Variants in COP1 observed in about 807,000 individuals in gnomAD.
COP1 encodes the protein E3 ubiquitin-protein ligase COP1.
COP1 carries 24 observed loss-of-function variants against 101.3 expected under a neutral mutation model. The observed-to-expected ratio is 0.24, with a 90% CI of 0.17 to 0.33. The LOEUF (loss-of-function observed/expected upper bound fraction) is 0.33, where lower values mean the gene tolerates loss of function less well. Ranked by LOEUF, COP1 falls within the 10% of genes least tolerant of loss-of-function variation. The pLI is 1.00. For synonymous variants in COP1, 347 were observed against 341.9 expected, an observed-to-expected ratio of 1.01 and a Z score of -0.17; for missense variants, 663 against 906.2, an observed-to-expected ratio of 0.73 and a Z score of 3.45.
intron 8 of COP1, among the ~76,000 whole-genome samples, chr1:176,128,440 T>A (rs1297707079): frequency 6.6e-6 from 1 of 152,006 alleles, no homozygotes; most frequent in Admixed American, 6.6e-5. Context: ...CTTCAATTAT[T>A]TTACTGACTT....
intron 3 of COP1, among the ~76,000 whole-genome samples, chr1:176,166,942 A>C (rs1296894344): frequency 1.3e-5 from 2 of 152,198 alleles, no homozygotes; most frequent in Admixed American, 1.3e-4. Flanking sequence ...GTCTCAAAAA[A>C]ATAAAAATTT....
rs900721199 is a variant in COP1, at chr1:176,009,584, T to A, written c.1729+17988A>T. 2.6e-5 allele frequency among the ~76,000 whole-genome samples: 4 copies of A among 152,152 alleles called. No individual in the cohort carries two copies. The East Asian group carries it at 7.7e-4, about 29-fold the overall frequency. On this transcript the variant is annotated intron_variant, in intron 15 of 19. Transcript: ENST00000367669. Reference sequence around the variant, plus strand: ...AGTTATCAAATGACAGATGTTTCTATAGATGTGACAACTTCAAAAGAAACT... The same window carrying A: ...AGTTATCAAATGACAGATGTTTCTAAAGATGTGACAACTTCAAAAGAAACT...
chr1:175,979,499 T>A (rs201428471), intron 18 of COP1, among the ~76,000 whole-genome samples: 2 of 146,356 alleles, frequency 1.4e-5, no homozygotes. Flanking sequence ...GATATGCCTT[T>A]AAAAAAAAAA....
At chr1:175,954,494 TA>T in intron 18 of COP1, among the ~76,000 whole-genome samples, 1 of 152,128 alleles carries the variant, frequency 6.6e-6, no homozygotes, top group South Asian at 2.1e-4. Context: ...AAAAAATCAA[TA>T]AAATTGATAC....
chr1:176,080,881 T>G (rs1388395354), intron 11 of COP1, among the ~76,000 whole-genome samples: 1 of 152,122 alleles, frequency 6.6e-6, no homozygotes, highest in Non-Finnish European at 1.5e-5. Flanking sequence ...GAAGCACTTA[T>G]GAGAAGAGCA....
rs964768927 is a variant in COP1, at chr1:176,206,806, G to A, written c.173C>T (p.Ser58Leu). ...VSGGVAQAAGSGGLGGPVRPV... is the reference protein window; with the variant it reads ...VSGGVAQAAGLGGLGGPVRPV... The stretch of plus-strand genomic sequence containing the variant: ...CCGCACCGGGCCCCCGAGGCCGCCC[G>A]AGCCGGCGGCCTGGGCCACCCCGCC... The change falls in exon 1 of 20, where the codon TCG (serine) becomes TTG (leucine). Residue 58 changes from serine (S) to leucine (L), a missense_variant. By Grantham distance (145) the Ser-to-Leu change is moderately radical. Around this residue, in one of 4 missense-constraint regions of COP1, gnomAD observed 204 missense variants for 203.6 expected, o/e 1.00. Coordinates refer to ENST00000367669, the MANE Select transcript of COP1 (RefSeq NM_022457.7). 57 of 1,382,280 alleles carry A rather than the reference G, an allele frequency of 4.1e-5. No individual in the cohort carries two copies. Among genetic ancestry groups the A allele is most frequent in the Non-Finnish European group, 4.8e-5 (52 of 1,079,072 alleles). The allele number at this position is 1,382,280 out of a possible 1,614,324, so 85.6% of individuals were successfully genotyped here.
chr1:176,178,708 C>G (rs1413255873), intron 2 of COP1, among the ~76,000 whole-genome samples: 1 of 151,892 alleles, frequency 6.6e-6, no homozygotes. Flanking sequence ...AAAAAATTAG[C>G]TGGGCATGGT....
At chr1:176,038,579 G>A (rs1198346965) in intron 14 of COP1, among the ~76,000 whole-genome samples, 1 of 152,154 alleles carries the variant, frequency 6.6e-6, no homozygotes, top group Non-Finnish European at 1.5e-5. Context: ...CAGCACTTTG[G>A]GAGGCCAAGG....
intron 2 of COP1, among the ~76,000 whole-genome samples, chr1:176,182,114 T>C (rs1697866220): frequency 6.6e-6 from 1 of 152,184 alleles, no homozygotes; most frequent in Non-Finnish European, 1.5e-5. Flanking sequence ...ACTGAACTGA[T>C]GCAGGGCCTT....
intron 11 of COP1, among the ~76,000 whole-genome samples, chr1:176,056,170 A>G (rs1301202643): frequency 6.6e-6 from 1 of 152,074 alleles, no homozygotes; most frequent in Non-Finnish European, 1.5e-5. Flanking sequence ...AGAAAATGTT[A>G]ATTTTTATTT....
intron 15 of COP1, among the ~76,000 whole-genome samples, chr1:175,994,471 C>T (rs994071674): frequency 1.3e-5 from 2 of 152,112 alleles, no homozygotes; most frequent in African/African-American, 4.8e-5. Context: ...AGAGTCAAGA[C>T]CCATCAGTGT....
At chr1:176,093,616 G>T (rs947432766) in intron 9 of COP1, among the ~76,000 whole-genome samples, 1 of 152,138 alleles carries the variant, frequency 6.6e-6, no homozygotes, top group East Asian at 1.9e-4. Context: ...GAGGTGGGCA[G>T]ATCACGAGGT....
At chr1:176,073,420 T>A (rs987959519) in intron 11 of COP1, among the ~76,000 whole-genome samples, 1 of 152,166 alleles carries the variant, frequency 6.6e-6, no homozygotes, top group African/African-American at 2.4e-5. Context: ...ACCATAACAA[T>A]CTAGTTGTAC....
At chr1:176,027,498 T>G (rs1667881497) in intron 15 of COP1, 74 bp downstream of exon 15, 1 of 886,874 alleles carries the variant, frequency 1.1e-6, no homozygotes, top group Non-Finnish European at 1.9e-6. Flanking sequence ...GTTATTTGTT[T>G]TAAAATGCTC....
At chr1:175,990,580 AT>A (rs1272091029) in intron 15 of COP1, among the ~76,000 whole-genome samples, 2 of 152,252 alleles carry the variant, frequency 1.3e-5, no homozygotes, top group East Asian at 3.9e-4. Flanking sequence ...AAAGTGGAGT[AT>A]TTTTCAACAA....
At chr1:175,998,942 T>C (rs1660935890) in intron 15 of COP1, among the ~76,000 whole-genome samples, 1 of 152,098 alleles carries the variant, frequency 6.6e-6, no homozygotes. Context: ...CCACTCATGT[T>C]AATGATAAAG....
chr1:176,041,346 T>TTTTATTC (rs1553234220), intron 14 of COP1, among the ~76,000 whole-genome samples: 1 of 145,632 alleles, frequency 6.9e-6, no homozygotes, highest in Non-Finnish European at 1.5e-5. Flanking sequence ...ATTTTTTTTC[T>TTTTATTC]TTTTTTCTTT....
chr1:175,983,433 C>A (rs556979175), intron 18 of COP1, among the ~76,000 whole-genome samples: 16 of 152,300 alleles, frequency 1.1e-4, no homozygotes, highest in African/African-American at 3.8e-4. Context: ...TTTCACCTTC[C>A]GCCATGATTG....
chr1:176,143,724 TGATATAACTAA>T (rs1691109271), intron 6 of COP1, among the ~76,000 whole-genome samples: 1 of 151,984 alleles, frequency 6.6e-6, no homozygotes, highest in Admixed American at 6.6e-5. Flanking sequence ...GAACCTTCAG[TGATATAACTAA>T]GATATAACTA....
Sources: allele counts gnomAD v4.1 joint callset (sites outside exome capture counted in the v4.1 genomes callset), GRCh38; gene constraint gnomAD v4.1.1; regional missense constraint gnomAD v4.1.1; transcripts MANE v1.5; gene names NCBI Gene and HGNC (gene_info 2026-07-23, HGNC 2026-07-21).